The following CPEB4 variants were observed in gnomAD, a reference collection of about 807,000 sequenced individuals.
CPEB4 encodes the protein cytoplasmic polyadenylation element binding protein 4, also known as cytoplasmic polyadenylation element-binding protein 4.
Under a neutral mutation model 72.5 loss-of-function variants are expected in CPEB4, and 12 were observed. That is an observed-to-expected ratio of 0.17 (90% CI 0.11 to 0.27). The LOEUF is 0.27. Among genes scored for constraint, CPEB4 ranks in the 10% least tolerant of loss-of-function variants. The pLI, the probability that CPEB4 is intolerant of heterozygous loss-of-function variation, is 1.00. For synonymous variants in CPEB4, 302 were observed against 326.3 expected, an observed-to-expected ratio of 0.93 and a Z score of 0.80; for missense variants, 614 against 908.5, an observed-to-expected ratio of 0.68 and a Z score of 4.17.
chr5:173,914,439 G>T (rs1360715640), intron 2 of CPEB4, among the ~76,000 whole-genome samples: 3 of 152,136 alleles, frequency 2.0e-5, no homozygotes, highest in Non-Finnish European at 4.4e-5. Flanking sequence ...CTAGTGCTCT[G>T]CTTCCTTAGA....
chr5:173,919,277 C>T (rs1756991957), intron 2 of CPEB4, among the ~76,000 whole-genome samples: 1 of 152,014 alleles, frequency 6.6e-6, no homozygotes, highest in Non-Finnish European at 1.5e-5. Flanking sequence ...TTATGTTTTA[C>T]CATCTGGACA....
rs943420882 is a variant in CPEB4, at chr5:173,955,367, G to A, written c.1963-543G>A. Among the ~76,000 whole-genome samples the A allele has an allele frequency of 1.3e-5, 2 of 150,598 alleles. No homozygotes were observed. The highest frequency in any genetic ancestry group is 4.9e-5 in the African/African-American group (2 of 40,842). ...TTTTTTTTTTTTAACAGAGTTCCAG[G>A]TTTGTGATTATAACCCAACATGTGT... On this transcript the variant is annotated intron_variant, in intron 9 of 9. Transcript: ENST00000265085. The surrounding 1 kb of genome is among the most constrained non-coding windows in gnomAD (Gnocchi z 4.7).
intron 1 of CPEB4, chr5:173,893,001 G>GTT (rs1755866806): frequency 1.3e-5 from 1 of 76,762 alleles, no homozygotes; most frequent in African/African-American, 3.6e-5. Context: ...GTAGCTCTGT[G>GTT]TGTGTGTGTG....
intron 1 of CPEB4, among the ~76,000 whole-genome samples, chr5:173,894,922 A>G (rs111686120): frequency 2.0e-5 from 3 of 152,316 alleles, no homozygotes; most frequent in African/African-American, 7.2e-5. Flanking sequence ...TAGAGTATTG[A>G]AAGGGGAAAA....
intron 1 of CPEB4, 119 bp downstream of exon 1, chr5:173,890,977 G>C: frequency 1.0e-6 from 1 of 953,382 alleles, no homozygotes; most frequent in Admixed American, 3.2e-5. Flanking sequence ...GAGAGAAAAT[G>C]AATCAATAAC....
intron 8 of CPEB4, among the ~76,000 whole-genome samples, chr5:173,952,282 G>A (rs752068078): frequency 4.6e-5 from 7 of 152,080 alleles, no homozygotes; most frequent in East Asian, 1.9e-4. Context: ...TAATTATTAC[G>A]CTCATCATTG....
Position 173,888,377 on chromosome 5 carries a change from C to G in CPEB4, c.-1357C>G, listed in dbSNP as rs1421191989. On this transcript the variant is annotated 5_prime_UTR_variant, in exon 1 of 10. Coordinates refer to ENST00000265085, the MANE Select transcript of CPEB4 (RefSeq NM_030627.4). The surrounding 1 kb of genome is among the most constrained non-coding windows in gnomAD (Gnocchi z 4.3). ...CGGCTCGGTCCTGAGGAGAAGGACT[C>G]AGCCGCGGCTGCGGGACCCGGGCAC... is the stretch of plus-strand genomic sequence containing the variant. 4.5e-6 allele frequency: 2 copies of G among 448,000 alleles called. No individual in the cohort carries two copies. Among genetic ancestry groups the G allele is most frequent in the African/African-American group, 2.0e-5 (1 of 49,068 alleles). 27.8% of individuals were successfully genotyped at this position (448,000 alleles called of 1,614,324 possible). A position where few individuals can be genotyped will look rare whatever the true frequency, so the allele number is the denominator to read the frequency against.
Position 173,890,323 on chromosome 5 carries a change from C to T in CPEB4, c.590C>T (p.Ala197Val), listed in dbSNP as rs760479707. The change falls in exon 1 of 10, where the codon GCT becomes GTT. Residue 197 changes from alanine to valine, a missense_variant. This residue lies in a region of CPEB4 where 458 missense variants were observed against 548.6 expected (regional missense o/e 0.83). Coordinates refer to ENST00000265085, the MANE Select transcript of CPEB4 (RefSeq NM_030627.4). ...TTCTTTCACCAGGGAGGGGTCCCTG[C>T]TGCTTCGGCTAATAACGGTGCTCTG... ...ASFFHQGGVP[A>V]ASANNGALLF... 6.2e-7 allele frequency: 1 copy of T among 1,614,194 alleles called. No homozygotes were observed. Among genetic ancestry groups the T allele is most frequent in the Non-Finnish European group, 8.5e-7 (1 of 1,180,044 alleles).
chr5:173,895,101 G>C (rs1755956791), intron 1 of CPEB4, among the ~76,000 whole-genome samples: 1 of 151,902 alleles, frequency 6.6e-6, no homozygotes, highest in Non-Finnish European at 1.5e-5. Context: ...TGTGACATTT[G>C]GTTTTATTGT....
intron 1 of CPEB4, among the ~76,000 whole-genome samples, chr5:173,899,535 A>C (rs1756147628): frequency 6.6e-6 from 1 of 152,138 alleles, no homozygotes; most frequent in African/African-American, 2.4e-5. Flanking sequence ...ACATAGAAAA[A>C]TAAGAGATCC....
intron 1 of CPEB4, among the ~76,000 whole-genome samples, chr5:173,897,046 G>A (rs1756041623): frequency 6.6e-6 from 1 of 152,190 alleles, no homozygotes; most frequent in Non-Finnish European, 1.5e-5. Flanking sequence ...TATGAAATTA[G>A]TTACAAATAT....
Position 173,927,157 on chromosome 5 carries a change from T to G in CPEB4, c.1208-5293T>G, listed in dbSNP as rs369727601. Among the ~76,000 whole-genome samples the G allele has an allele frequency of 5.2e-4, 79 of 151,758 alleles. 1 individual carries two copies. The highest frequency in any genetic ancestry group is 6.8e-3 in the Middle Eastern group (2 of 294). Reference sequence around the variant, plus strand: ...CAGAGCGAGACTCTGTCTGAAAAAATAAAATAAAAAAGATGAGTTCTCAAA... The same window carrying G: ...CAGAGCGAGACTCTGTCTGAAAAAAGAAAATAAAAAAGATGAGTTCTCAAA... On this transcript the variant is annotated intron_variant, in intron 2 of 9. Coordinates refer to ENST00000265085, the MANE Select transcript of CPEB4 (RefSeq NM_030627.4).
chr5:173,934,775 T>C (rs1757563917), intron 3 of CPEB4, among the ~76,000 whole-genome samples: 1 of 152,174 alleles, frequency 6.6e-6, no homozygotes, highest in Admixed American at 6.5e-5. Flanking sequence ...TGCTTGAAAG[T>C]CGTGAAATTA....
At chr5:173,892,615 G>A (rs932339168) in intron 1 of CPEB4, among the ~76,000 whole-genome samples, 2 of 152,226 alleles carry the variant, frequency 1.3e-5, no homozygotes, top group Non-Finnish European at 1.5e-5. Flanking sequence ...CTGACACAGT[G>A]AATTTATGTG....
In CPEB4 at chr5:173,927,278, G is replaced by C. The variant is rs137907719; in HGVS notation, c.1208-5172G>C. Reference sequence around the variant, plus strand: ...ATTATACTTTACTTATGAAATACTGGTGTTTTGAGTTCAGTGGAATGAACT... The same window carrying C: ...ATTATACTTTACTTATGAAATACTGCTGTTTTGAGTTCAGTGGAATGAACT... On this transcript the variant is annotated intron_variant, in intron 2 of 9. Coordinates refer to ENST00000265085, the MANE Select transcript of CPEB4 (RefSeq NM_030627.4). 8.5e-3 allele frequency among the ~76,000 whole-genome samples: 1,301 copies of C among 152,240 alleles called. 19 individuals are homozygous for C. The highest frequency in any genetic ancestry group is 0.03 in the African/African-American group (1,245 of 41,530).
chr5:173,910,103 A>G lies in CPEB4; in HGVS notation c.1126-420A>G, dbSNP rs541137609. On this transcript the variant is annotated intron_variant, in intron 1 of 9. Coordinates refer to ENST00000265085, the MANE Select transcript of CPEB4 (RefSeq NM_030627.4). ...TTTAAACTTTGCCTTATAAGAAAAT[A>G]TAGCTATTTTGAACAGCACATACAG... 2.0e-5 allele frequency among the ~76,000 whole-genome samples: 3 copies of G among 152,122 alleles called. No individual in the cohort carries two copies. In the East Asian group the frequency reaches 5.8e-4, roughly 29 times the overall value.
At chr5:173,933,663 G>C (rs529075811) in intron 3 of CPEB4, among the ~76,000 whole-genome samples, 19 of 152,298 alleles carry the variant, frequency 1.2e-4, no homozygotes, top group African/African-American at 4.6e-4. Context: ...TATACATGCA[G>C]AAGAGTTTAC....
chr5:173,907,189 C>T (rs2113163490), intron 1 of CPEB4, among the ~76,000 whole-genome samples: 1 of 152,288 alleles, frequency 6.6e-6, no homozygotes, highest in East Asian at 1.9e-4. Context: ...GTCGCTTGAA[C>T]CCGGGAGGCG....
chr5:173,940,351 A>AT (rs1411956855), intron 3 of CPEB4, among the ~76,000 whole-genome samples: 4 of 152,324 alleles, frequency 2.6e-5, no homozygotes, highest in African/African-American at 9.6e-5. Context: ...TTTTTAACTT[A>AT]CACTTCCTCG....
Sources: gnomAD v4.1 joint callset for allele counts (sites outside exome capture counted in the v4.1 genomes callset) on GRCh38, gnomAD v4.1.1 for gene constraint, gnomAD v4.1.1 regional missense constraint, Gnocchi (gnomAD v3.1) non-coding constraint, MANE v1.5 for transcripts, NCBI Gene and HGNC (gene_info 2026-07-23, HGNC 2026-07-21) for gene names.